Variants in IRGM observed in about 807,000 individuals in gnomAD.
IRGM encodes immunity-related GTPase family M protein.
For missense variants in IRGM, 288 were observed against 219.9 expected (o/e 1.31, Z -1.96); for synonymous variants, 98 against 80.6 (o/e 1.22, Z -1.16).
chr5:150,892,028 C>T (rs1317809600), intron 3 of IRGM, among the ~76,000 whole-genome samples: 1 of 152,104 alleles, frequency 6.6e-6, no homozygotes, highest in Non-Finnish European at 1.5e-5. Context: ...TCAATCACAT[C>T]CCCAATGTTC....
chr5:150,898,049 A>G, intron 3 of IRGM: 1 of 1,605,096 alleles, frequency 6.2e-7, no homozygotes, highest in Non-Finnish European at 8.5e-7. Flanking sequence ...ACATAAATTG[A>G]TATTTCACTT....
intron 3 of IRGM, among the ~76,000 whole-genome samples, chr5:150,881,760 T>C (rs1233578372): frequency 2.0e-5 from 3 of 152,152 alleles, no homozygotes; most frequent in African/African-American, 4.8e-5. Flanking sequence ...AGTAAAAGAT[T>C]AGAGTTTTTT....
intron 1 of IRGM, among the ~76,000 whole-genome samples, chr5:150,858,324 T>C (rs1754087446): frequency 6.6e-6 from 1 of 152,248 alleles, no homozygotes; most frequent in African/African-American, 2.4e-5. Flanking sequence ...TTTTGGTTAC[T>C]GTAGCCTTGT....
chr5:150,854,108 C>T (rs978702770), intron 1 of IRGM, among the ~76,000 whole-genome samples: 2 of 151,708 alleles, frequency 1.3e-5, no homozygotes, highest in Non-Finnish European at 2.9e-5. Context: ...TTTGTGGTTA[C>T]CATGGAGGTT....
At chr5:150,872,599 T>A (rs571984380) in intron 1 of IRGM, among the ~76,000 whole-genome samples, 1 of 152,302 alleles carries the variant, frequency 6.6e-6, no homozygotes, top group South Asian at 2.1e-4. Flanking sequence ...TGTGGGATAA[T>A]GTTGGAAGAA....
intron 1 of IRGM, among the ~76,000 whole-genome samples, chr5:150,857,202 A>G (rs940833602): frequency 1.3e-4 from 20 of 150,862 alleles, no homozygotes; most frequent in African/African-American, 4.6e-4. Context: ...TGTCCTTGCG[A>G]TAGTTTGCTG....
chr5:150,900,739 C>T (rs1189829918), downstream of IRGM: 1 of 151,948 alleles, frequency 6.6e-6, no homozygotes, highest in East Asian at 1.9e-4. Flanking sequence ...TAGTTAAACA[C>T]TGTTTTGTGT....
At chr5:150,886,700 A>G (rs1449940022) in intron 3 of IRGM, among the ~76,000 whole-genome samples, 1 of 152,064 alleles carries the variant, frequency 6.6e-6, no homozygotes, top group East Asian at 1.9e-4. Context: ...AGATGTTCAA[A>G]GTAGTTTCTG....
At chr5:150,848,925 AATGG>A (rs1323858524), downstream of IRGM, among the ~76,000 whole-genome samples, 2 of 152,184 alleles carry the variant, frequency 1.3e-5, no homozygotes, top group African/African-American at 2.4e-5. Flanking sequence ...AGTGTCTTAA[AATGG>A]ATGCAAGATT....
At chr5:150,882,394 A>G (rs755254000) in intron 3 of IRGM, among the ~76,000 whole-genome samples, 17 of 152,154 alleles carry the variant, frequency 1.1e-4, no homozygotes, top group Non-Finnish European at 2.2e-4. Context: ...CTTGAATGTA[A>G]ATAGATTAAA....
At chr5:150,890,163 GTTT>G (rs996680094) in intron 3 of IRGM, among the ~76,000 whole-genome samples, 1 of 151,902 alleles carries the variant, frequency 6.6e-6, no homozygotes, top group African/African-American at 2.4e-5. Context: ...ATTTGATAAG[GTTT>G]TACACTACAA....
At chr5:150,900,661 T>C (rs930766334) in exon 4 of IRGM, 3 of 152,080 alleles carry the variant, frequency 2.0e-5, no homozygotes, top group Non-Finnish European at 4.4e-5. Flanking sequence ...TGACATATAC[T>C]GGGTACTTAA....
Position 150,846,616 on chromosome 5 carries a change from G to C in IRGM, c.-1020G>C, listed in dbSNP as rs1256088388. ...GCTGCTCATTCTTTGGGTCCACACT[G>C]CCTTTATGAGCTGTAACACTCACCG... On this transcript the variant is annotated 5_prime_UTR_variant, in exon 1 of 2. Coordinates refer to ENST00000522154, the MANE Select transcript of IRGM (RefSeq NM_001145805.2). 1 of 138,562 alleles carries C rather than the reference G, an allele frequency of 7.2e-6. No homozygotes were observed. Among genetic ancestry groups the C allele is most frequent in the African/African-American group, 3.1e-5 (1 of 32,700 alleles). The allele number at this position is 138,562 out of a possible 1,614,324, so 8.6% of individuals were successfully genotyped here. A position where few individuals can be genotyped will look rare whatever the true frequency, so the allele number is the denominator to read the frequency against.
chr5:150,850,930 C>T (rs1479812971), downstream of IRGM, among the ~76,000 whole-genome samples: 2 of 152,154 alleles, frequency 1.3e-5, no homozygotes, highest in East Asian at 1.9e-4. Flanking sequence ...TCAGCTGGCA[C>T]ACATTAGCTT....
At chr5:150,890,383 G>GA (rs1475090960) in intron 3 of IRGM, among the ~76,000 whole-genome samples, 3 of 147,140 alleles carry the variant, frequency 2.0e-5, no homozygotes, top group African/African-American at 8.1e-5. Flanking sequence ...TTTCTGATTT[G>GA]AATAATTGTG....
At chr5:150,897,741 C>T (rs192719428) in intron 3 of IRGM, 4 of 315,726 alleles carry the variant, frequency 1.3e-5, no homozygotes, top group Non-Finnish European at 2.3e-5. Flanking sequence ...AAAACAGTAA[C>T]TGTATTTGAC....
At chr5:150,880,472 CCTT>C (rs1299158825) in intron 3 of IRGM, among the ~76,000 whole-genome samples, 1 of 152,184 alleles carries the variant, frequency 6.6e-6, no homozygotes, top group South Asian at 2.1e-4. Flanking sequence ...CAGACACTAA[CCTT>C]CTCAGGAACC....
At chr5:150,881,210 T>C (rs1020016709) in intron 3 of IRGM, among the ~76,000 whole-genome samples, 1 of 151,482 alleles carries the variant, frequency 6.6e-6, no homozygotes, top group Non-Finnish European at 1.5e-5. Flanking sequence ...TCAAACAAGA[T>C]GACACCAAGA....
chr5:150,896,882 A>G (rs1754807912), intron 3 of IRGM: 1 of 1,613,526 alleles, frequency 6.2e-7, no homozygotes, highest in Non-Finnish European at 8.5e-7. Flanking sequence ...AGCACAATGA[A>G]CCATCCCTTG....
Sources: allele counts gnomAD v4.1 joint callset (sites outside exome capture counted in the v4.1 genomes callset), GRCh38; gene constraint gnomAD v4.1.1; transcripts MANE v1.5; gene names NCBI Gene and HGNC (gene_info 2026-07-23, HGNC 2026-07-21).